Variants in ASTN2 observed in about 807,000 individuals in gnomAD.
ASTN2 encodes the protein astrotactin 2.
A neutral mutation model predicts 139.8 loss-of-function variants in ASTN2; 54 were observed. That is an observed-to-expected ratio of 0.39 (90% CI 0.31 to 0.48). ASTN2 has a LOEUF of 0.48. Among genes scored for constraint, ASTN2 ranks in the 20% least tolerant of loss-of-function variants. ASTN2 has a pLI of 0.95. For missense variants in ASTN2, 1,565 were observed against 1,725.1 expected, an observed-to-expected ratio of 0.91 and a Z score of 1.64; for synonymous variants, 756 against 719.5, an observed-to-expected ratio of 1.05 and a Z score of -0.81.
At chr9:117,366,107 G>A (rs1409223191) in intron 1 of ASTN2, among the ~76,000 whole-genome samples, 4 of 152,044 alleles carry the variant, frequency 2.6e-5, no homozygotes, top group Non-Finnish European at 4.4e-5. Context: ...ACCTAGCACC[G>A]CTGCTACATA....
intron 4 of ASTN2, among the ~76,000 whole-genome samples, chr9:117,140,146 G>C (rs1393272431): frequency 2.0e-5 from 3 of 152,138 alleles, no homozygotes; most frequent in Non-Finnish European, 4.4e-5. Flanking sequence ...CTGTTTCTTG[G>C]AATAAGTTAA....
At chr9:116,492,071 TTTTG>T (rs1260960851) in intron 19 of ASTN2, among the ~76,000 whole-genome samples, 1 of 151,408 alleles carries the variant, frequency 6.6e-6, no homozygotes. Flanking sequence ...CTACTACTGT[TTTTG>T]TTTTTCTCTC....
At chr9:117,184,262 T>C (rs1229364212) in intron 3 of ASTN2, among the ~76,000 whole-genome samples, 1 of 152,148 alleles carries the variant, frequency 6.6e-6, no homozygotes, top group Non-Finnish European at 1.5e-5. Context: ...GCCGGGGGTA[T>C]AGCAAGCAGA....
At chr9:116,706,419 A>G (rs1827989888) in intron 16 of ASTN2, among the ~76,000 whole-genome samples, 1 of 152,022 alleles carries the variant, frequency 6.6e-6, no homozygotes, top group African/African-American at 2.4e-5. Context: ...TGCCTGGTGG[A>G]AGTTCAAACC....
In ASTN2 at chr9:116,976,777, T is replaced by A; in HGVS notation, c.1600A>T (p.Ser534Cys). 6.2e-7 allele frequency: 1 copy of A among 1,613,986 alleles called. No homozygotes were observed. The highest frequency in any genetic ancestry group is 8.5e-7 in the Non-Finnish European group (1 of 1,179,870). Reference sequence around the variant, plus strand: ...TCAGGGGCATAGCCTTCATGACAGCTGCACTCTCCTGTAAGTGAAAAGAAA... The same window carrying A: ...TCAGGGGCATAGCCTTCATGACAGCAGCACTCTCCTGTAAGTGAAAAGAAA... The part of the protein sequence containing the change: ...QLCDPETGEC[S>C]CHEGYAPDPV... Residue 534 changes from serine (S) to cysteine (C), a missense_variant, in exon 8 of 23, where the codon AGC (serine) becomes TGC (cysteine). This residue lies in a region of ASTN2 where 503 missense variants were observed against 591.7 expected (regional missense o/e 0.85). Coordinates refer to ENST00000313400, the MANE Select transcript of ASTN2 (RefSeq NM_001365068.1).
chr9:116,822,945 A>G (rs546534517), intron 11 of ASTN2, among the ~76,000 whole-genome samples: 1 of 152,306 alleles, frequency 6.6e-6, no homozygotes, highest in Admixed American at 6.5e-5. Context: ...AGGCAGAAAG[A>G]AATTACACAC....
chr9:117,047,735 A>G (rs896408506), intron 5 of ASTN2, among the ~76,000 whole-genome samples: 1 of 151,968 alleles, frequency 6.6e-6, no homozygotes, highest in African/African-American at 2.4e-5. Flanking sequence ...CCAAACACTA[A>G]TAACTTTATT....
intron 1 of ASTN2, among the ~76,000 whole-genome samples, chr9:117,301,753 A>G (rs1455775583): frequency 6.6e-6 from 1 of 152,150 alleles, no homozygotes; most frequent in African/African-American, 2.4e-5. Flanking sequence ...TGTTTTTAAG[A>G]TGCAAATATC....
chr9:116,486,126 G>C (rs141066190), intron 20 of ASTN2, among the ~76,000 whole-genome samples: 79 of 152,318 alleles, frequency 5.2e-4, no homozygotes, highest in African/African-American at 1.8e-3. Context: ...CTTACCTAAA[G>C]TCACATAACT....
At chr9:116,463,414 A>T (rs567323247) in intron 20 of ASTN2, among the ~76,000 whole-genome samples, 47 of 152,252 alleles carry the variant, frequency 3.1e-4, no homozygotes, top group African/African-American at 9.6e-4. Flanking sequence ...TTTATCTCCT[A>T]ACTCCTGCCA....
rs754392352 is a variant in ASTN2, at chr9:117,291,338, G to T, written c.618C>A (p.His206Gln). ...EIVEEQMHIL[H>Q]ISVMGGLIAL... ...CCCCATCACTCACCATCACAGAAATGTGGAGGATGTGCATCTGCTCCTCAA... is the reference window on the plus strand; with the variant it reads ...CCCCATCACTCACCATCACAGAAATTTGGAGGATGTGCATCTGCTCCTCAA... The change falls in exon 2 of 23, where the codon CAC becomes CAA. Residue 206 changes from histidine to glutamine, a missense_variant. Around this residue, in one of 4 missense-constraint regions of ASTN2, gnomAD observed 596 missense variants for 576.8 expected, o/e 1.03. Coordinates refer to ENST00000313400, the MANE Select transcript of ASTN2 (RefSeq NM_001365068.1). The T allele has an allele frequency of 6.2e-6, 10 of 1,613,652 alleles. No homozygotes were observed. The highest frequency in any genetic ancestry group is 8.5e-6 in the Non-Finnish European group (10 of 1,179,882).
At chr9:117,196,187 C>T (rs1831496614) in intron 3 of ASTN2, among the ~76,000 whole-genome samples, 1 of 152,144 alleles carries the variant, frequency 6.6e-6, no homozygotes, top group African/African-American at 2.4e-5. Flanking sequence ...TACTTAACCC[C>T]TCTTTGCTTT....
intron 2 of ASTN2, among the ~76,000 whole-genome samples, chr9:117,276,650 G>C (rs548445595): frequency 4.3e-4 from 65 of 152,208 alleles, no homozygotes; most frequent in Non-Finnish European, 8.5e-4. Context: ...AGCTGCTTGT[G>C]CTTGTACCCC....
At chr9:117,096,647 G>A (rs973725701) in intron 4 of ASTN2, among the ~76,000 whole-genome samples, 4 of 152,136 alleles carry the variant, frequency 2.6e-5, no homozygotes, top group East Asian at 1.9e-4. Flanking sequence ...TGCCAGGCAC[G>A]GGATCATAAG....
chr9:116,449,976 C>A (rs572963895), intron 20 of ASTN2, among the ~76,000 whole-genome samples: 10 of 152,296 alleles, frequency 6.6e-5, no homozygotes, highest in Admixed American at 5.9e-4. Flanking sequence ...AAAGACAGCC[C>A]AACCTACTAT....
In ASTN2 at chr9:116,589,009, T is replaced by C. The variant is rs557247039; in HGVS notation, c.3355+29315A>G. ...GATTTGGAGAAAGGTCATATAATTC[T>C]ACAGTTACAGAAATAATCCCAATAA... is the stretch of plus-strand genomic sequence containing the variant. On this transcript the variant is annotated intron_variant, in intron 19 of 22. Transcript: ENST00000313400. Among the ~76,000 whole-genome samples, 6 of 152,366 alleles carry C rather than the reference T, an allele frequency of 3.9e-5. No individual in the cohort carries two copies. In the East Asian group the frequency reaches 1.2e-3, roughly 29 times the overall value.
chr9:116,518,650 G>A (rs1453329813), intron 19 of ASTN2, among the ~76,000 whole-genome samples: 2 of 152,012 alleles, frequency 1.3e-5, no homozygotes, highest in Non-Finnish European at 2.9e-5. Flanking sequence ...ACAATAAATA[G>A]AATAGTACAT....
At chr9:117,180,082 G>A (rs1831019511) in intron 3 of ASTN2, among the ~76,000 whole-genome samples, 1 of 152,206 alleles carries the variant, frequency 6.6e-6, no homozygotes, top group African/African-American at 2.4e-5. Flanking sequence ...CTTGGAGCAT[G>A]CTAGCTCTGC....
chr9:117,091,642 G>T (rs1828709051), intron 5 of ASTN2, among the ~76,000 whole-genome samples: 1 of 152,048 alleles, frequency 6.6e-6, no homozygotes, highest in Non-Finnish European at 1.5e-5. Flanking sequence ...GAAGGCTGTG[G>T]CAGGACAGAT....
Sources: allele counts gnomAD v4.1 joint callset (sites outside exome capture counted in the v4.1 genomes callset), GRCh38; gene constraint gnomAD v4.1.1; regional missense constraint gnomAD v4.1.1; transcripts MANE v1.5; gene names NCBI Gene and HGNC (gene_info 2026-07-23, HGNC 2026-07-21).